Variants in SLC41A2 observed in about 807,000 individuals in gnomAD.
The protein encoded by SLC41A2 is solute carrier family 41 member 2, also known as SLC41A1-like 1.
In SLC41A2, 32 loss-of-function variants were observed where a neutral mutation model predicts 58.3. That is an observed-to-expected ratio of 0.55 (90% confidence interval 0.41 to 0.74). The LOEUF (loss-of-function observed/expected upper bound fraction) is 0.74. Among genes scored for constraint, SLC41A2 ranks in the 30% least tolerant of loss-of-function variants. SLC41A2 has a pLI of 0.00. For synonymous variants in SLC41A2, 190 were observed against 235.0 expected, an observed-to-expected ratio of 0.81 and a Z score of 1.75; for missense variants, 514 against 680.6, an observed-to-expected ratio of 0.76 and a Z score of 2.72.
At chr12:104,833,851 A>C (rs1464423955) in intron 10 of SLC41A2, among the ~76,000 whole-genome samples, 4 of 151,936 alleles carry the variant, frequency 2.6e-5, no homozygotes, top group African/African-American at 9.7e-5. Context: ...ATTCTGGCAA[A>C]TTTCCTGAGT....
At chr12:104,839,861 C>A (rs536142407) in intron 10 of SLC41A2, among the ~76,000 whole-genome samples, 2 of 152,170 alleles carry the variant, frequency 1.3e-5, no homozygotes, top group South Asian at 4.1e-4. Context: ...TGTCATCCAA[C>A]AGATGACATG....
Position 104,844,639 on chromosome 12 carries a change from AAG to A in SLC41A2, c.1388-21_1388-20del. The A allele has an allele frequency of 7.2e-7, 1 of 1,388,496 alleles. No individual in the cohort carries two copies. The highest frequency in any genetic ancestry group is 9.5e-7 in the Non-Finnish European group (1 of 1,050,258). The allele number at this position is 1,388,496 out of a possible 1,614,324, so 86.0% of individuals were successfully genotyped here. On this transcript the variant is annotated intron_variant, in intron 9 of 10. Coordinates refer to ENST00000258538, the MANE Select transcript of SLC41A2 (RefSeq NM_001352171.3). ...TTTACTCCTGTAATATAAAATGTAA[AAG>A]TAATTAAAACAAAATTATATTTTGG...
At chr12:104,822,200 A>G (rs572571820) in intron 10 of SLC41A2, among the ~76,000 whole-genome samples, 1 of 152,368 alleles carries the variant, frequency 6.6e-6, no homozygotes, top group Non-Finnish European at 1.5e-5. Context: ...TTGATTTTCT[A>G]CTATATGCTA....
chr12:104,811,449 T>A (rs2041170399), intron 10 of SLC41A2, among the ~76,000 whole-genome samples: 2 of 152,202 alleles, frequency 1.3e-5, no homozygotes, highest in Non-Finnish European at 2.9e-5. Context: ...TTTATAGATA[T>A]ATACATTTGT....
chr12:104,824,064 T>TGAAGGGAAGTGCTGAAGG (rs929386777), intron 10 of SLC41A2, among the ~76,000 whole-genome samples: 2 of 150,432 alleles, frequency 1.3e-5, no homozygotes, highest in South Asian at 4.3e-4. Context: ...ACGGAAGAGG[T>TGAAGGGAAGTGCTGAAGG]GAAGGGAAGT....
chr12:104,936,179 A>G (rs1162492092), intron 1 of SLC41A2, among the ~76,000 whole-genome samples: 1 of 152,234 alleles, frequency 6.6e-6, no homozygotes, highest in Non-Finnish European at 1.5e-5. Flanking sequence ...AGTATAACAC[A>G]TACAGTTACA....
In SLC41A2 at chr12:104,805,139, T is replaced by A; in HGVS notation, c.*13A>T. 1 of 1,588,972 alleles carries A rather than the reference T, an allele frequency of 6.3e-7. No individual in the cohort carries two copies. Among genetic ancestry groups the A allele is most frequent in the Non-Finnish European group, 8.6e-7 (1 of 1,168,178 alleles). On this transcript the variant is annotated 3_prime_UTR_variant, in exon 11 of 11. Transcript: ENST00000258538. ...TTCTTCCTTGGTAACTTGAGAGCAG[T>A]TTGTAGAATTTATTAGTCTCCAACA... is the stretch of plus-strand genomic sequence containing the variant.
At chr12:104,878,099 T>G (rs1482763305) in intron 6 of SLC41A2, among the ~76,000 whole-genome samples, 1 of 151,908 alleles carries the variant, frequency 6.6e-6, no homozygotes, top group Non-Finnish European at 1.5e-5. Flanking sequence ...TTCTGGAATC[T>G]CATAGTACTT....
chr12:104,881,696 C>A (rs1262299181), intron 6 of SLC41A2, among the ~76,000 whole-genome samples: 1 of 152,166 alleles, frequency 6.6e-6, no homozygotes, highest in Non-Finnish European at 1.5e-5. Flanking sequence ...GTTATGATTT[C>A]TGTTCTTTCA....
At chr12:104,826,236 T>C (rs2041840478) in intron 10 of SLC41A2, among the ~76,000 whole-genome samples, 1 of 152,202 alleles carries the variant, frequency 6.6e-6, no homozygotes, top group African/African-American at 2.4e-5. Flanking sequence ...CATAGCTCTC[T>C]GCACAAAGGT....
intron 3 of SLC41A2, among the ~76,000 whole-genome samples, chr12:104,903,606 T>C (rs1565888293): frequency 6.6e-6 from 1 of 152,242 alleles, no homozygotes; most frequent in Admixed American, 6.5e-5. Flanking sequence ...AGAGCACACT[T>C]TGAGAACTAC....
chr12:104,872,674 G>C (rs1259396200), intron 6 of SLC41A2, among the ~76,000 whole-genome samples: 1 of 150,660 alleles, frequency 6.6e-6, no homozygotes, highest in Non-Finnish European at 1.5e-5. Context: ...AGGTTGCAGT[G>C]AGCCGAGATC....
intron 2 of SLC41A2, among the ~76,000 whole-genome samples, chr12:104,922,365 T>C (rs997782502): frequency 3.3e-5 from 5 of 151,996 alleles, no homozygotes; most frequent in African/African-American, 1.2e-4. Context: ...GAGCAAAGAA[T>C]AGCTATATTT....
chr12:104,861,599 T>C (rs932079480), intron 7 of SLC41A2, among the ~76,000 whole-genome samples: 2 of 152,190 alleles, frequency 1.3e-5, no homozygotes, highest in African/African-American at 2.4e-5. Context: ...GTCTAAGATA[T>C]GCTACTTGTG....
At position 104,805,130 on chromosome 12, in the gene SLC41A2, T is replaced by G. The variant is rs1192981770; in HGVS notation, c.*22A>C. 2.5e-6 allele frequency: 4 copies of G among 1,576,068 alleles called. No homozygotes were observed. Among genetic ancestry groups the G allele is most frequent in the Non-Finnish European group, 3.4e-6 (4 of 1,160,852 alleles). On this transcript the variant is annotated 3_prime_UTR_variant, in exon 11 of 11. Transcript: ENST00000258538. ...TCGTGTATTTTCTTCCTTGGTAACT[T>G]GAGAGCAGTTTGTAGAATTTATTAG...
chr12:104,837,513 G>A (rs1279598540), intron 10 of SLC41A2, among the ~76,000 whole-genome samples: 1 of 152,162 alleles, frequency 6.6e-6, no homozygotes, highest in African/African-American at 2.4e-5. Context: ...AGTGTGAGAT[G>A]TCTCTTCAAC....
intron 1 of SLC41A2, among the ~76,000 whole-genome samples, chr12:104,947,629 T>A (rs2047778659): frequency 6.6e-6 from 1 of 151,990 alleles, no homozygotes. Context: ...GTATATTTTT[T>A]AAATTACATA....
intron 10 of SLC41A2, among the ~76,000 whole-genome samples, chr12:104,808,358 C>T (rs200018128): frequency 1.3e-5 from 2 of 152,104 alleles, no homozygotes; most frequent in Non-Finnish European, 2.9e-5. Context: ...TGTTTATATG[C>T]TGGATTATGT....
chr12:104,929,943 GAA>G (rs2046989770), intron 1 of SLC41A2, among the ~76,000 whole-genome samples: 2 of 152,340 alleles, frequency 1.3e-5, no homozygotes, highest in Admixed American at 6.5e-5. Context: ...GGCAAAGGGA[GAA>G]AGAGAAGGGG....
Sources: gnomAD v4.1 joint callset for allele counts (sites outside exome capture counted in the v4.1 genomes callset) on GRCh38, gnomAD v4.1.1 for gene constraint, MANE v1.5 for transcripts, NCBI Gene and HGNC (gene_info 2026-07-23, HGNC 2026-07-21) for gene names.